Variants in SLC4A4 observed in about 807,000 individuals in gnomAD.
The protein encoded by SLC4A4 is electrogenic sodium bicarbonate cotransporter 1.
SLC4A4 carries 27 observed loss-of-function variants against 111.5 expected under a neutral mutation model. The observed-to-expected ratio is 0.24, with a 90% confidence interval of 0.18 to 0.33. The LOEUF (loss-of-function observed/expected upper bound fraction) is 0.33, where lower values mean the gene tolerates loss of function less well. Among genes scored for constraint, SLC4A4 ranks in the 10% least tolerant of loss-of-function variants. The probability of loss-of-function intolerance (pLI) is 1.00; values close to 1 mark genes in which losing one functional copy is unlikely to be tolerated. For missense variants in SLC4A4, 909 were observed against 1,315.5 expected (o/e 0.69, Z 4.78); for synonymous variants, 443 against 463.4 (o/e 0.96, Z 0.57).
At chr4:71,431,239 G>A (rs999455585) in intron 7 of SLC4A4, among the ~76,000 whole-genome samples, 1 of 152,052 alleles carries the variant, frequency 6.6e-6, no homozygotes, top group South Asian at 2.1e-4. Context: ...ACTACAATAA[G>A]TACAAGGCAG....
intron 24 of SLC4A4, 137 bp from the exon 25 acceptor site, chr4:71,566,867 C>T: frequency 1.6e-6 from 1 of 626,856 alleles, no homozygotes; most frequent in Admixed American, 2.8e-5. Flanking sequence ...TAGCTTAATA[C>T]CTTGTTTATT....
Position 71,326,904 on chromosome 4 carries a change from A to G in SLC4A4, c.254-12466A>G, listed in dbSNP as rs140758841. Among the ~76,000 whole-genome samples the G allele has an allele frequency of 3.5e-3, 539 of 152,220 alleles. 4 individuals carry two copies. The highest frequency in any genetic ancestry group is 0.011 in the African/African-American group (471 of 41,558). ...ATGAAAAACAGAAATGAATACTTAA[A>G]ATGATAACTATGTAAACCAGTTGAG... On this transcript the variant is annotated intron_variant, in intron 3 of 25. Transcript: ENST00000264485.
At chr4:71,238,249 G>A (rs1719944481) in intron 2 of SLC4A4, among the ~76,000 whole-genome samples, 2 of 152,208 alleles carry the variant, frequency 1.3e-5, no homozygotes, top group East Asian at 3.8e-4. Context: ...CACTTCTTGA[G>A]TTTGTAAGGT....
At chr4:71,350,480 C>T (rs1381278852) in intron 5 of SLC4A4, among the ~76,000 whole-genome samples, 3 of 151,988 alleles carry the variant, frequency 2.0e-5, no homozygotes, top group East Asian at 1.9e-4. Context: ...TGGGTTCAAG[C>T]GATTCTCCTG....
At chr4:71,135,641 A>C (rs1264103691) in intron 2 of SLC4A4, among the ~76,000 whole-genome samples, 2 of 152,190 alleles carry the variant, frequency 1.3e-5, no homozygotes, top group Non-Finnish European at 2.9e-5. Flanking sequence ...ATACATTGTT[A>C]TTAACTATAG....
At chr4:71,265,537 A>G (rs1406512554) in intron 3 of SLC4A4, among the ~76,000 whole-genome samples, 1 of 152,138 alleles carries the variant, frequency 6.6e-6, no homozygotes, top group Non-Finnish European at 1.5e-5. Context: ...AAGAAAGACA[A>G]TGAGATTAAA....
At chr4:71,362,058 T>C (rs918319102) in intron 6 of SLC4A4, among the ~76,000 whole-genome samples, 8 of 152,276 alleles carry the variant, frequency 5.3e-5, no homozygotes, top group Non-Finnish European at 1.2e-4. Context: ...CCAAAACCAA[T>C]GAGGAGCCTG....
At chr4:71,460,568 G>A (rs1726724520) in intron 12 of SLC4A4, among the ~76,000 whole-genome samples, 1 of 152,134 alleles carries the variant, frequency 6.6e-6, no homozygotes, top group South Asian at 2.1e-4. Flanking sequence ...AAGTACTTTA[G>A]GCAGAGCGGG....
intron 1 of SLC4A4, among the ~76,000 whole-genome samples, chr4:71,089,093 T>G (rs947234229): frequency 9.9e-5 from 15 of 151,946 alleles, no homozygotes; most frequent in African/African-American, 3.6e-4. Context: ...CTTGGAGGCT[T>G]TCTTCATTTC....
At chr4:71,567,127 GCC>G (rs1280116767) in intron 25 of SLC4A4, 44 bp downstream of exon 25, 26 of 1,441,934 alleles carry the variant, frequency 1.8e-5, no homozygotes, top group Non-Finnish European at 2.4e-5. Flanking sequence ...TGGGATAATT[GCC>G]CCACAGAAAT....
intron 1 of SLC4A4, among the ~76,000 whole-genome samples, chr4:71,230,091 T>A (rs1719317277): frequency 6.6e-6 from 1 of 152,160 alleles, no homozygotes; most frequent in Non-Finnish European, 1.5e-5. Context: ...AAAATCACGT[T>A]TGCAAATGGT....
At chr4:71,216,175 C>T (rs1051378386) in intron 1 of SLC4A4, among the ~76,000 whole-genome samples, 2 of 152,172 alleles carry the variant, frequency 1.3e-5, no homozygotes, top group East Asian at 1.9e-4. Context: ...CCCCAATGTG[C>T]TGGGATTACA....
chr4:71,155,664 C>G (rs1317436954), intron 2 of SLC4A4, among the ~76,000 whole-genome samples: 1 of 151,956 alleles, frequency 6.6e-6, no homozygotes, highest in Non-Finnish European at 1.5e-5. Flanking sequence ...GGGTTTCACT[C>G]TGTTGCCCAG....
intron 3 of SLC4A4, among the ~76,000 whole-genome samples, chr4:71,291,184 A>G (rs948683283): frequency 1.3e-5 from 2 of 152,202 alleles, no homozygotes; most frequent in South Asian, 2.1e-4. Context: ...ACACTTTCTC[A>G]TGACTGAAGA....
chr4:71,290,575 A>G (rs1724265363), intron 3 of SLC4A4, among the ~76,000 whole-genome samples: 1 of 152,206 alleles, frequency 6.6e-6, no homozygotes, highest in Non-Finnish European at 1.5e-5. Flanking sequence ...TTTTCTAGAT[A>G]CTCTGCATGA....
chr4:71,559,916 G>A (rs529288864), intron 22 of SLC4A4, among the ~76,000 whole-genome samples, 177 bp from the exon 23 acceptor site: 33 of 151,916 alleles, frequency 2.2e-4, no homozygotes, highest in African/African-American at 7.5e-4. Context: ...CTTTCCCCAT[G>A]TAGAAAATTA....
chr4:71,421,347 T>A lies in SLC4A4; in HGVS notation c.808-19269T>A, dbSNP rs28796926. Among the ~76,000 whole-genome samples the A allele has an allele frequency of 9.4e-3, 1,424 of 152,076 alleles. 26 individuals are homozygous for A. The highest frequency in any genetic ancestry group is 0.032 in the African/African-American group (1,333 of 41,504). ...CCAGATTCATAAAGCAAGTCCTGAG[T>A]GACCTACAAAGAGACTGAGACTCCC... On this transcript the variant is annotated intron_variant, in intron 7 of 25. Transcript: ENST00000264485.
intron 2 of SLC4A4, among the ~76,000 whole-genome samples, chr4:71,135,222 GA>G (rs1179213738): frequency 6.6e-6 from 1 of 151,664 alleles, no homozygotes; most frequent in Admixed American, 6.6e-5. Flanking sequence ...GTATATAGTG[GA>G]ATGGCTAAAT....
At chr4:71,395,580 A>T (rs1253001328) in intron 6 of SLC4A4, among the ~76,000 whole-genome samples, 2 of 152,174 alleles carry the variant, frequency 1.3e-5, no homozygotes, top group African/African-American at 4.8e-5. Flanking sequence ...TTCTTGGAAA[A>T]GCTGTCACAT....
Sources: allele counts gnomAD v4.1 joint callset (sites outside exome capture counted in the v4.1 genomes callset), GRCh38; gene constraint gnomAD v4.1.1; transcripts MANE v1.5; gene names NCBI Gene and HGNC (gene_info 2026-07-23, HGNC 2026-07-21).